The following GRM5 variants were observed in gnomAD, a reference collection of about 807,000 sequenced individuals.
The protein encoded by GRM5 is glutamate metabotropic receptor 5, also known as metabotropic glutamate receptor 5.
GRM5 carries 19 observed loss-of-function variants against 83.1 expected under a neutral mutation model. The observed-to-expected ratio is 0.23, with a 90% CI of 0.16 to 0.34. The LOEUF is 0.34. Ranked by LOEUF, GRM5 falls within the 10% of genes least tolerant of loss-of-function variation. GRM5 has a pLI of 1.00. For synonymous variants in GRM5, 675 were observed against 633.6 expected (o/e 1.07, Z -0.98); for missense variants, 1,160 against 1,588.3 (o/e 0.73, Z 4.58).
intron 3 of GRM5, among the ~76,000 whole-genome samples, chr11:88,687,574 TATATA>T (rs1212770895): frequency 3.0e-5 from 1 of 33,658 alleles, no homozygotes; most frequent in African/African-American, 2.0e-4. Flanking sequence ...TATATATATA[TATATA>T]ATATATATAT....
In GRM5 at chr11:88,754,146, A is replaced by C. The variant is rs142544667; in HGVS notation, c.911+95760T>G. 1.7e-3 allele frequency among the ~76,000 whole-genome samples: 254 copies of C among 152,264 alleles called. 2 individuals are homozygous for C. The highest frequency in any genetic ancestry group is 5.5e-3 in the African/African-American group (227 of 41,570). ...ATGTCCTTTTCAGGGACATGGATGG[A>C]TTTGGAAACCATTATCCTCAGCAAA... On this transcript the variant is annotated intron_variant, in intron 3 of 9. Transcript: ENST00000305447.
At chr11:88,758,784 A>G (rs556918074) in intron 3 of GRM5, among the ~76,000 whole-genome samples, 2 of 152,294 alleles carry the variant, frequency 1.3e-5, no homozygotes, top group East Asian at 3.9e-4. Flanking sequence ...CCGAAGACAC[A>G]TAATCTCAGA....
chr11:89,026,507 T>C (rs187884534), intron 2 of GRM5, among the ~76,000 whole-genome samples: 26 of 152,322 alleles, frequency 1.7e-4, no homozygotes, highest in African/African-American at 6.0e-4. Context: ...GTGAGAAACA[T>C]CTAAAATAAA....
At chr11:88,864,390 T>C (rs1427232621) in intron 2 of GRM5, among the ~76,000 whole-genome samples, 1 of 151,804 alleles carries the variant, frequency 6.6e-6, no homozygotes, top group Admixed American at 6.6e-5. Context: ...GAGTTTAAAA[T>C]GAACAAAGGT....
intron 3 of GRM5, among the ~76,000 whole-genome samples, chr11:88,847,012 A>G (rs377523482): frequency 2.0e-5 from 3 of 152,224 alleles, no homozygotes; most frequent in African/African-American, 7.2e-5. Context: ...ACACTGGATT[A>G]TAAGTTATGG....
At chr11:89,050,834 C>T (rs1255921191) in intron 1 of GRM5, among the ~76,000 whole-genome samples, 4 of 152,090 alleles carry the variant, frequency 2.6e-5, no homozygotes, top group Non-Finnish European at 5.9e-5. Flanking sequence ...GGCCATTAAC[C>T]TTAGCAAGTT....
chr11:88,884,609 G>T (rs1386559562), intron 2 of GRM5, among the ~76,000 whole-genome samples: 1 of 152,126 alleles, frequency 6.6e-6, no homozygotes, highest in Admixed American at 6.5e-5. Context: ...GACACAGTTT[G>T]GCTGTGTCTC....
chr11:88,562,830 T>C (rs1301476883), intron 8 of GRM5, among the ~76,000 whole-genome samples: 4 of 152,170 alleles, frequency 2.6e-5, no homozygotes, highest in African/African-American at 4.8e-5. Flanking sequence ...TATTCTCTTA[T>C]ATTAGACAGT....
intron 2 of GRM5, among the ~76,000 whole-genome samples, chr11:88,971,488 T>C (rs1184428953): frequency 6.6e-6 from 1 of 152,108 alleles, no homozygotes; most frequent in African/African-American, 2.4e-5. Flanking sequence ...TGCATCCATA[T>C]GTACTTAATA....
rs994027778 is a variant in GRM5, at chr11:88,505,877, C to A, written c.*2715G>T. On this transcript the variant is annotated 3_prime_UTR_variant, in exon 10 of 10. Transcript: ENST00000305447. Reference sequence around the variant, plus strand: ...ATGTACCCAAATGAATTGTGAAGTTCATATCCTATAGCCCTAGAATGAATA... The same window carrying A: ...ATGTACCCAAATGAATTGTGAAGTTAATATCCTATAGCCCTAGAATGAATA... 2 of 152,138 alleles carry A rather than the reference C, an allele frequency of 1.3e-5. No homozygotes were observed. The highest frequency in any genetic ancestry group is 4.8e-5 in the African/African-American group (2 of 41,428). 9.4% of individuals were successfully genotyped at this position (152,138 alleles called of 1,614,324 possible).
chr11:88,968,062 G>C (rs1939042609), intron 2 of GRM5, among the ~76,000 whole-genome samples: 1 of 152,030 alleles, frequency 6.6e-6, no homozygotes, highest in Admixed American at 6.6e-5. Context: ...AGAGATTTAG[G>C]ACTGCTAAAA....
intron 9 of GRM5, among the ~76,000 whole-genome samples, chr11:88,523,171 T>C (rs144165890): frequency 3.7e-4 from 57 of 152,344 alleles, no homozygotes; most frequent in Admixed American, 2.9e-3. Context: ...TGTCATCTCC[T>C]ACATGAATGG....
intron 3 of GRM5, among the ~76,000 whole-genome samples, chr11:88,826,667 C>G (rs1943899461): frequency 6.6e-6 from 1 of 151,950 alleles, no homozygotes; most frequent in Non-Finnish European, 1.5e-5. Context: ...CCATAAAAAG[C>G]ATTTTGTAAT....
chr11:88,660,415 T>C (rs907801246), intron 3 of GRM5, among the ~76,000 whole-genome samples: 1 of 152,198 alleles, frequency 6.6e-6, no homozygotes, highest in African/African-American at 2.4e-5. Context: ...TTTTCACTAG[T>C]TGAACTCTCA....
rs397791572 is a variant in GRM5, at chr11:88,763,282, T to TG, written c.911+86623dup. 0.016 allele frequency among the ~76,000 whole-genome samples: 4 copies of TG among 252 alleles called. No homozygotes were observed. In the Admixed American group the frequency reaches 0.17, roughly 11 times the overall value. 0.2% of individuals were successfully genotyped at this position (252 alleles called of 152,430 possible). On this transcript the variant is annotated intron_variant, in intron 3 of 9. Transcript: ENST00000305447. ...ACATGAAATAGGCCTTGAGGGAGTCTGTAGGGTTAAATTAAGGGACACTAG... is the reference window on the plus strand; with the variant it reads ...ACATGAAATAGGCCTTGAGGGAGTCTGGTAGGGTTAAATTAAGGGACACTAG...
At chr11:88,793,407 A>G (rs1217256630) in intron 3 of GRM5, among the ~76,000 whole-genome samples, 1 of 152,308 alleles carries the variant, frequency 6.6e-6, no homozygotes, top group African/African-American at 2.4e-5. Flanking sequence ...ACTGCTAGGT[A>G]TTTCTGGACC....
At chr11:88,728,951 G>C (rs889342901) in intron 3 of GRM5, among the ~76,000 whole-genome samples, 4 of 152,128 alleles carry the variant, frequency 2.6e-5, no homozygotes, top group African/African-American at 9.7e-5. Flanking sequence ...CATTCCCTTT[G>C]AAAACCAGTA....
chr11:88,682,141 T>C (rs11020938), intron 3 of GRM5, among the ~76,000 whole-genome samples: 2,846 of 152,278 alleles, frequency 0.019, 67 homozygotes, highest in East Asian at 0.094. Context: ...AGATAACTTA[T>C]TTCCCTATGG....
intron 8 of GRM5, among the ~76,000 whole-genome samples, chr11:88,531,866 G>C (rs1028505432): frequency 1.3e-5 from 2 of 151,824 alleles, no homozygotes; most frequent in African/African-American, 4.8e-5. Context: ...ATCTACTATG[G>C]CCCGTAGTCT....
Sources: gnomAD v4.1 joint callset for allele counts (sites outside exome capture counted in the v4.1 genomes callset) on GRCh38, gnomAD v4.1.1 for gene constraint, MANE v1.5 for transcripts, NCBI Gene and HGNC (gene_info 2026-07-23, HGNC 2026-07-21) for gene names.